KCNH5: variants seen among roughly 807,000 people sequenced by gnomAD.
KCNH5 encodes voltage-gated delayed rectifier potassium channel KCNH5.
KCNH5 carries 46 observed loss-of-function variants against 96.1 expected under a neutral mutation model. The ratio of observed to expected loss-of-function variants is 0.48; its 90% CI spans 0.38 to 0.61. The LOEUF is 0.61. KCNH5 is among the 20% of genes least tolerant of loss of function. KCNH5 has a pLI of 0.00. For missense variants in KCNH5, 907 were observed against 1,225.8 expected (o/e 0.74, Z 3.88); for synonymous variants, 439 against 449.8 (o/e 0.98, Z 0.30).
chr14:62,726,111 T>A (rs1884919256), intron 10 of KCNH5, among the ~76,000 whole-genome samples: 1 of 152,160 alleles, frequency 6.6e-6, no homozygotes, highest in Admixed American at 6.6e-5. Flanking sequence ...AATAGATGTA[T>A]CTTGACCTTT....
chr14:62,819,450 G>A (rs968902728), intron 8 of KCNH5, among the ~76,000 whole-genome samples: 1 of 152,148 alleles, frequency 6.6e-6, no homozygotes, highest in South Asian at 2.1e-4. Flanking sequence ...TGGTTGTCAG[G>A]GGTGCAGGGG....
At chr14:62,961,903 GC>G (rs1890216269) in intron 6 of KCNH5, among the ~76,000 whole-genome samples, 1 of 145,010 alleles carries the variant, frequency 6.9e-6, no homozygotes, top group African/African-American at 2.7e-5. Context: ...TGGAGATGAT[GC>G]AGATGGAGAT....
At chr14:62,836,461 G>A (rs1248058752) in intron 8 of KCNH5, among the ~76,000 whole-genome samples, 1 of 151,940 alleles carries the variant, frequency 6.6e-6, no homozygotes, top group East Asian at 1.9e-4. Flanking sequence ...TACAATCATA[G>A]CTATTATTTG....
intron 10 of KCNH5, among the ~76,000 whole-genome samples, chr14:62,769,647 T>C (rs1339967030): frequency 6.6e-6 from 1 of 152,212 alleles, no homozygotes; most frequent in African/African-American, 2.4e-5. Context: ...TTAATAATGG[T>C]AATTTTCATA....
At chr14:63,016,275 T>A (rs1946959241) in intron 2 of KCNH5, among the ~76,000 whole-genome samples, 1 of 152,034 alleles carries the variant, frequency 6.6e-6, no homozygotes, top group Non-Finnish European at 1.5e-5. Context: ...CTCTTTAAGC[T>A]CACAGAAATG....
chr14:62,772,569 G>A (rs1886011196), intron 10 of KCNH5, among the ~76,000 whole-genome samples: 1 of 150,412 alleles, frequency 6.6e-6, no homozygotes, highest in African/African-American at 2.5e-5. Flanking sequence ...CCTGGGAGGT[G>A]GAGGTTGCAG....
At chr14:62,851,837 C>T (rs1027907510) in intron 7 of KCNH5, among the ~76,000 whole-genome samples, 3 of 152,034 alleles carry the variant, frequency 2.0e-5, no homozygotes, top group African/African-American at 7.2e-5. Flanking sequence ...CTACATTTGC[C>T]AAATGTCTTA....
At chr14:63,005,985 G>A (rs1891117540) in intron 3 of KCNH5, among the ~76,000 whole-genome samples, 1 of 152,130 alleles carries the variant, frequency 6.6e-6, no homozygotes, top group Non-Finnish European at 1.5e-5. Context: ...GTGTCGAAAG[G>A]TAATTGCATA....
chr14:62,936,980 C>CAAAAAAA (rs5809179), intron 7 of KCNH5, among the ~76,000 whole-genome samples: 5 of 62,214 alleles, frequency 8.0e-5, no homozygotes, highest in Admixed American at 4.2e-4. Context: ...GACTCCATCT[C>CAAAAAAA]AAAAAAAAAA....
At position 62,761,639 on chromosome 14, in the gene KCNH5, T is replaced by C. The variant is rs558364916; in HGVS notation, c.2019+18089A>G. On this transcript the variant is annotated intron_variant, in intron 10 of 10. Coordinates refer to ENST00000322893, the MANE Select transcript of KCNH5 (RefSeq NM_139318.5). ...CTAAAAATACATTGTAATACAAGTC[T>C]ATAAAAAATTCAAACTTAATATCGC... Among the ~76,000 whole-genome samples the C allele has an allele frequency of 1.2e-4, 18 of 152,308 alleles. No individual in the cohort carries two copies. In the East Asian group the frequency reaches 3.3e-3, roughly 28 times the overall value.
At chr14:62,976,155 CT>C (rs1258615909) in intron 6 of KCNH5, among the ~76,000 whole-genome samples, 1 of 150,976 alleles carries the variant, frequency 6.6e-6, no homozygotes, top group African/African-American at 2.4e-5. Context: ...AATCCCAGCA[CT>C]TTGGGAGGCC....
chr14:62,788,338 C>T (rs947727260), intron 9 of KCNH5, among the ~76,000 whole-genome samples: 10 of 152,144 alleles, frequency 6.6e-5, no homozygotes, highest in African/African-American at 2.2e-4. Context: ...TTGCTGCAAT[C>T]GCACTATAAA....
intron 2 of KCNH5, among the ~76,000 whole-genome samples, chr14:63,012,828 T>A (rs1462210610): frequency 6.6e-6 from 1 of 151,708 alleles, no homozygotes; most frequent in Non-Finnish European, 1.5e-5. Flanking sequence ...TGGTAGGAAT[T>A]AAATAGATCT....
rs67304113 is a variant in KCNH5 at position 62,709,232 on chromosome 14, C to CAAA, written c.2020-780_2020-778dup. Among the ~76,000 whole-genome samples, 13 of 71,570 alleles carry CAAA rather than the reference C, an allele frequency of 1.8e-4. 2 individuals are homozygous for CAAA. In the East Asian group the frequency reaches 3.2e-3, roughly 18 times the overall value. 47.0% of individuals were successfully genotyped at this position (71,570 alleles called of 152,430 possible). A position where few individuals can be genotyped will look rare whatever the true frequency, so the allele number is the denominator to read the frequency against. ...TGGGCGACAGAACGAGACTCCTTCT[C>CAAA]AAAAAAAAAAAAAAAAAAAAAAAAA... On this transcript the variant is annotated intron_variant, in intron 10 of 10. Transcript: ENST00000322893.
intron 8 of KCNH5, among the ~76,000 whole-genome samples, chr14:62,841,136 G>C (rs974989807): frequency 1.3e-5 from 2 of 151,752 alleles, no homozygotes; most frequent in Non-Finnish European, 2.9e-5. Context: ...AGAGTGAGTG[G>C]AGAGGAGAAA....
intron 9 of KCNH5, among the ~76,000 whole-genome samples, chr14:62,788,919 C>T (rs544615337): frequency 1.1e-4 from 17 of 152,060 alleles, no homozygotes; most frequent in Non-Finnish European, 1.9e-4. Context: ...GACTCTATTA[C>T]AACATTGGCT....
Position 62,945,135 on chromosome 14 carries a change from C to A in KCNH5, c.1369+4998G>T, listed in dbSNP as rs141187210. 2.5e-3 allele frequency among the ~76,000 whole-genome samples: 377 copies of A among 152,270 alleles called. 2 individuals are homozygous for A. Among genetic ancestry groups the A allele is most frequent in the African/African-American group, 8.7e-3 (361 of 41,562 alleles). ...ACCAAATACAGTTTCGGAAACCCAA[C>A]TGAATATACGTGAAAATTTCCACTG... On this transcript the variant is annotated intron_variant, in intron 7 of 10. Transcript: ENST00000322893.
chr14:62,909,400 A>T (rs974270353), intron 7 of KCNH5, among the ~76,000 whole-genome samples: 1 of 152,184 alleles, frequency 6.6e-6, no homozygotes, highest in Non-Finnish European at 1.5e-5. Flanking sequence ...GAAGAACAGA[A>T]AGTTCTCACA....
At chr14:62,754,359 C>A in intron 10 of KCNH5, among the ~76,000 whole-genome samples, 1 of 151,526 alleles carries the variant, frequency 6.6e-6, no homozygotes. Flanking sequence ...AACCAGAAAA[C>A]ACATAACAAA....
Sources: allele counts gnomAD v4.1 joint callset (sites outside exome capture counted in the v4.1 genomes callset), GRCh38; gene constraint gnomAD v4.1.1; transcripts MANE v1.5; gene names NCBI Gene and HGNC (gene_info 2026-07-23, HGNC 2026-07-21).